Variants in GABRB3 observed in about 807,000 individuals in gnomAD.
GABRB3 encodes the protein gamma-aminobutyric acid receptor subunit beta-3.
In GABRB3, 14 loss-of-function variants were observed where a neutral mutation model predicts 52.1. The observed-to-expected ratio is 0.27, with a 90% CI of 0.18 to 0.42. The LOEUF (loss-of-function observed/expected upper bound fraction) is 0.42, where lower values mean the gene tolerates loss of function less well. GABRB3 is among the 10% of genes least tolerant of loss of function. GABRB3 has a pLI of 1.00. For missense variants in GABRB3, 307 were observed against 609.1 expected (o/e 0.50, Z 5.22); for synonymous variants, 260 against 232.3 (o/e 1.12, Z -1.08).
chr15:26,773,575 T>A, upstream of GABRB3: 1 of 1,333,028 alleles, frequency 7.5e-7, no homozygotes, highest in East Asian at 2.6e-5. Flanking sequence ...GTGCCGCGCC[T>A]CTGCCCGCCG....
intron 8 of GABRB3, among the ~76,000 whole-genome samples, chr15:26,560,086 A>G (rs1595439459): frequency 1.3e-5 from 2 of 152,170 alleles, no homozygotes; most frequent in Non-Finnish European, 2.9e-5. Context: ...CGTAGAACAA[A>G]TTCACACTCT....
intron 4 of GABRB3, among the ~76,000 whole-genome samples, chr15:26,592,140 G>A (rs575429189): frequency 6.6e-6 from 1 of 152,284 alleles, no homozygotes; most frequent in African/African-American, 2.4e-5. Flanking sequence ...GCATGCTGGG[G>A]TAGAAAATGT....
At chr15:26,573,614 A>G (rs771333260) in intron 6 of GABRB3, among the ~76,000 whole-genome samples, 2 of 152,230 alleles carry the variant, frequency 1.3e-5, no homozygotes, top group Non-Finnish European at 2.9e-5. Context: ...CAAGGCAAGA[A>G]CACCATAAGT....
intron 3 of GABRB3, among the ~76,000 whole-genome samples, chr15:26,638,735 T>C (rs1204818268): frequency 1.3e-5 from 2 of 152,252 alleles, no homozygotes; most frequent in Non-Finnish European, 2.9e-5. Context: ...TATTTTTGCA[T>C]GTAATCAGTC....
In GABRB3 at chr15:26,643,594, A is replaced by T. The variant is rs577851931; in HGVS notation, c.241-22060T>A. ...TCTTTGAACAAGGAGAACGTAATGA[A>T]CCAACATGCACCCCAGCTTTCATGA... On this transcript the variant is annotated intron_variant, in intron 3 of 8. Transcript: ENST00000311550. Among the ~76,000 whole-genome samples the T allele has an allele frequency of 4.6e-5, 7 of 150,736 alleles. No homozygotes were observed. In the South Asian group the frequency reaches 1.5e-3, roughly 32 times the overall value.
At chr15:26,619,236 C>T (rs1416973632) in intron 4 of GABRB3, among the ~76,000 whole-genome samples, 13 of 151,770 alleles carry the variant, frequency 8.6e-5, no homozygotes, top group African/African-American at 2.9e-4. Context: ...TATTGTGGCA[C>T]TATTCACAAT....
At chr15:26,766,294 A>G (rs1190437306) in intron 3 of GABRB3, among the ~76,000 whole-genome samples, 1 of 152,258 alleles carries the variant, frequency 6.6e-6, no homozygotes, top group Non-Finnish European at 1.5e-5. Context: ...GACGAAAAAG[A>G]AGAGCTGTCA....
chr15:26,712,320 G>C (rs566137593), intron 3 of GABRB3, among the ~76,000 whole-genome samples: 2 of 152,134 alleles, frequency 1.3e-5, no homozygotes, highest in Admixed American at 1.3e-4. Context: ...GCCCATATCA[G>C]TGGGTTGTTT....
chr15:26,630,891 T>G (rs1232969007), intron 3 of GABRB3, among the ~76,000 whole-genome samples: 1 of 152,246 alleles, frequency 6.6e-6, no homozygotes, highest in Non-Finnish European at 1.5e-5. Context: ...GTACATCATT[T>G]GCTTAGGATG....
intron 3 of GABRB3, among the ~76,000 whole-genome samples, chr15:26,740,662 T>C (rs1413468331): frequency 6.6e-6 from 1 of 152,158 alleles, no homozygotes; most frequent in Non-Finnish European, 1.5e-5. Flanking sequence ...TGGCTCTCCC[T>C]CCTTGGAATC....
intron 6 of GABRB3, among the ~76,000 whole-genome samples, chr15:26,568,731 G>C (rs1890281458): frequency 6.9e-6 from 1 of 143,904 alleles, no homozygotes; most frequent in Non-Finnish European, 1.5e-5. Flanking sequence ...TGGCCAGACT[G>C]GTCTTGAACT....
intron 4 of GABRB3, among the ~76,000 whole-genome samples, chr15:26,606,994 C>T (rs780853270): frequency 6.6e-5 from 10 of 152,028 alleles, no homozygotes; most frequent in African/African-American, 2.4e-4. Context: ...GAGTGTTGGC[C>T]AATCCCCACG....
chr15:26,687,838 T>C (rs1250798933), intron 3 of GABRB3, among the ~76,000 whole-genome samples: 2 of 152,148 alleles, frequency 1.3e-5, no homozygotes, highest in African/African-American at 4.8e-5. Context: ...CATTAGAAAA[T>C]GTGTATTTAA....
At chr15:26,725,717 A>G (rs1027402821) in intron 3 of GABRB3, among the ~76,000 whole-genome samples, 8 of 152,212 alleles carry the variant, frequency 5.3e-5, no homozygotes, top group Admixed American at 3.9e-4. Context: ...ATAATGAGAT[A>G]TCCTGGGGAT....
intron 3 of GABRB3, among the ~76,000 whole-genome samples, chr15:26,714,017 G>C (rs1036580214): frequency 3.3e-5 from 5 of 152,226 alleles, no homozygotes; most frequent in African/African-American, 9.6e-5. Flanking sequence ...CTCTGACCCG[G>C]AAGGAAACTC....
At chr15:26,581,487 G>A (rs561002611) in intron 5 of GABRB3, among the ~76,000 whole-genome samples, 9 of 152,204 alleles carry the variant, frequency 5.9e-5, no homozygotes, top group African/African-American at 2.2e-4. Flanking sequence ...CTTAAAACTT[G>A]CAAATGCTTC....
chr15:26,615,360 A>G (rs1332433515), intron 4 of GABRB3: 1 of 985,498 alleles, frequency 1.0e-6, no homozygotes, highest in Non-Finnish European at 1.2e-6. Context: ...ATTCTCTCCC[A>G]TCACATGCTG....
chr15:26,649,951 G>C (rs1052741488), intron 3 of GABRB3, among the ~76,000 whole-genome samples: 1 of 152,118 alleles, frequency 6.6e-6, no homozygotes, highest in Non-Finnish European at 1.5e-5. Flanking sequence ...TACGTTTAGA[G>C]ATAATTGGGC....
chr15:26,667,577 T>G (rs953097951), intron 3 of GABRB3, among the ~76,000 whole-genome samples: 1 of 152,188 alleles, frequency 6.6e-6, no homozygotes, highest in Non-Finnish European at 1.5e-5. Context: ...ATTCTTAAAT[T>G]CATAATATGT....
Sources: gnomAD v4.1 joint callset for allele counts (sites outside exome capture counted in the v4.1 genomes callset) on GRCh38, gnomAD v4.1.1 for gene constraint, MANE v1.5 for transcripts, NCBI Gene and HGNC (gene_info 2026-07-23, HGNC 2026-07-21) for gene names.